The following PPP3CA variants were observed in gnomAD, a reference collection of about 807,000 sequenced individuals.
PPP3CA encodes the protein protein phosphatase 3 catalytic subunit alpha, also known as CAM-PRP catalytic subunit.
A neutral mutation model predicts 66.5 loss-of-function variants in PPP3CA; 14 were observed. That is an observed-to-expected ratio of 0.21 (90% CI 0.14 to 0.33). PPP3CA has a LOEUF of 0.33. PPP3CA is among the 10% of genes least tolerant of loss of function. The probability of loss-of-function intolerance (pLI) is 1.00; values close to 1 mark genes in which losing one functional copy is unlikely to be tolerated. For synonymous variants in PPP3CA, 232 were observed against 226.2 expected, an observed-to-expected ratio of 1.03 and a Z score of -0.23; for missense variants, 317 against 639.5, an observed-to-expected ratio of 0.50 and a Z score of 5.44.
intron 2 of PPP3CA, among the ~76,000 whole-genome samples, chr4:101,185,138 C>T (rs907543921): frequency 6.6e-6 from 1 of 151,600 alleles, no homozygotes; most frequent in African/African-American, 2.4e-5. Flanking sequence ...TAATTCAGCA[C>T]TTGCATGCCA....
intron 8 of PPP3CA, among the ~76,000 whole-genome samples, chr4:101,071,189 T>C (rs1447341002): frequency 6.6e-6 from 1 of 152,168 alleles, no homozygotes; most frequent in Non-Finnish European, 1.5e-5. Context: ...TTGAAACTGG[T>C]GTTATCACTA....
At chr4:101,114,078 G>A (rs951983630) in intron 2 of PPP3CA, among the ~76,000 whole-genome samples, 1 of 152,030 alleles carries the variant, frequency 6.6e-6, no homozygotes, top group African/African-American at 2.4e-5. Flanking sequence ...ATGCTGGTGG[G>A]TGGGGTACCC....
intron 10 of PPP3CA, among the ~76,000 whole-genome samples, chr4:101,050,172 C>T (rs1456232008): frequency 1.1e-4 from 17 of 152,104 alleles, no homozygotes; most frequent in South Asian, 2.1e-4. Flanking sequence ...ATCAGGAGAA[C>T]GGATGTGCTA....
At chr4:101,063,896 T>C (rs1728576456) in intron 8 of PPP3CA, among the ~76,000 whole-genome samples, 1 of 151,964 alleles carries the variant, frequency 6.6e-6, no homozygotes, top group African/African-American at 2.4e-5. Flanking sequence ...TTTTGACACA[T>C]ATAATGCACA....
At chr4:101,176,543 C>T (rs191430299) in intron 2 of PPP3CA, among the ~76,000 whole-genome samples, 2 of 152,230 alleles carry the variant, frequency 1.3e-5, no homozygotes, top group South Asian at 2.1e-4. Context: ...AGGCCAGTAG[C>T]TGGAGTAGTC....
intron 1 of PPP3CA, among the ~76,000 whole-genome samples, chr4:101,305,190 C>T (rs1236603821): frequency 6.6e-6 from 1 of 152,158 alleles, no homozygotes; most frequent in African/African-American, 2.4e-5. Flanking sequence ...TTTGGAATGG[C>T]TCAAAATGTT....
intron 1 of PPP3CA, among the ~76,000 whole-genome samples, chr4:101,220,376 C>G (rs1331200644): frequency 6.6e-6 from 1 of 150,874 alleles, no homozygotes; most frequent in South Asian, 2.1e-4. Flanking sequence ...TAACCTGTTC[C>G]TTTTTTACCA....
intron 1 of PPP3CA, among the ~76,000 whole-genome samples, chr4:101,216,947 C>A (rs2135608): frequency 0.17 from 26,157 of 152,120 alleles, 3,316 homozygotes; most frequent in East Asian, 0.33. Flanking sequence ...CTACTAAAAA[C>A]ATTTCCTTCC....
chr4:101,285,029 TAAC>T (rs1462462885), intron 1 of PPP3CA, among the ~76,000 whole-genome samples: 1 of 152,150 alleles, frequency 6.6e-6, no homozygotes, highest in Non-Finnish European at 1.5e-5. Context: ...GTATTGTTTC[TAAC>T]AACAGCAAGA....
intron 2 of PPP3CA, among the ~76,000 whole-genome samples, chr4:101,133,467 A>G (rs994192537): frequency 3.9e-5 from 6 of 152,006 alleles, no homozygotes; most frequent in Non-Finnish European, 7.4e-5. Flanking sequence ...AGACAGAGAA[A>G]TAAATCATGA....
intron 2 of PPP3CA, among the ~76,000 whole-genome samples, chr4:101,118,475 T>C (rs1721917524): frequency 6.7e-6 from 1 of 150,306 alleles, no homozygotes; most frequent in Admixed American, 6.7e-5. Context: ...CTGGCACTTA[T>C]TATCACAAGG....
chr4:101,228,859 A>G (rs1725863611), intron 1 of PPP3CA, among the ~76,000 whole-genome samples: 2 of 151,698 alleles, frequency 1.3e-5, no homozygotes, highest in East Asian at 3.9e-4. Context: ...TACAAACTCT[A>G]CAAAGATAAC....
In PPP3CA at chr4:101,168,893, T is replaced by C. The variant is rs187745110; in HGVS notation, c.259+27023A>G. Among the ~76,000 whole-genome samples, 273 of 152,332 alleles carry C rather than the reference T, an allele frequency of 1.8e-3. 4 individuals carry two copies. The highest frequency in any genetic ancestry group is 5.8e-4 in the East Asian group (3 of 5,182). On this transcript the variant is annotated intron_variant, in intron 2 of 13. Coordinates refer to ENST00000394854, the MANE Select transcript of PPP3CA (RefSeq NM_000944.5). ...ATCTGCTTACACATATGATGATACA[T>C]GTGCTAAATCCACCATCTTAGCCTT...
chr4:101,124,715 A>AG (rs1722159788), intron 2 of PPP3CA, among the ~76,000 whole-genome samples: 1 of 88,020 alleles, frequency 1.1e-5, no homozygotes, highest in African/African-American at 4.4e-5. Context: ...GAAAGAAAGA[A>AG]AGAAAGAAAG....
intron 10 of PPP3CA, among the ~76,000 whole-genome samples, chr4:101,057,027 T>C (rs1200388653): frequency 6.6e-6 from 1 of 152,088 alleles, no homozygotes; most frequent in African/African-American, 2.4e-5. Flanking sequence ...TGATTGCTTA[T>C]ACTGAAATAT....
intron 8 of PPP3CA, among the ~76,000 whole-genome samples, chr4:101,070,326 C>A (rs1299017379): frequency 6.6e-6 from 1 of 152,008 alleles, no homozygotes; most frequent in Non-Finnish European, 1.5e-5. Flanking sequence ...AATCAGGATA[C>A]TAAAAACATA....
intron 8 of PPP3CA, among the ~76,000 whole-genome samples, chr4:101,073,611 T>A (rs1729020208): frequency 1.3e-5 from 2 of 152,162 alleles, no homozygotes; most frequent in African/African-American, 4.8e-5. Flanking sequence ...TTGTTTGTAA[T>A]TTCTACTTTA....
At chr4:101,031,825 A>G (rs998873363) in intron 12 of PPP3CA, among the ~76,000 whole-genome samples, 1 of 152,226 alleles carries the variant, frequency 6.6e-6, no homozygotes, top group Admixed American at 6.5e-5. Flanking sequence ...GGATAATGAA[A>G]TCATCTCCTG....
At chr4:101,252,187 A>G (rs1039364945) in intron 1 of PPP3CA, among the ~76,000 whole-genome samples, 1 of 152,168 alleles carries the variant, frequency 6.6e-6, no homozygotes, top group Non-Finnish European at 1.5e-5. Context: ...GCAGAATTCA[A>G]ACTCTAGTTT....
Sources: allele counts gnomAD v4.1 joint callset (sites outside exome capture counted in the v4.1 genomes callset), GRCh38; gene constraint gnomAD v4.1.1; transcripts MANE v1.5; gene names NCBI Gene and HGNC (gene_info 2026-07-23, HGNC 2026-07-21).